The following SNX29 variants were observed in gnomAD, a reference collection of about 807,000 sequenced individuals.
SNX29 encodes sorting nexin-29.
SNX29 carries 78 observed loss-of-function variants against 102.1 expected under a neutral mutation model. The observed-to-expected ratio is 0.76, with a 90% confidence interval of 0.64 to 0.92. The LOEUF (loss-of-function observed/expected upper bound fraction) is 0.92. Ranked by LOEUF, SNX29 falls within the 40% of genes least tolerant of loss-of-function variation. The probability of loss-of-function intolerance (pLI) is 0.00; values close to 1 mark genes in which losing one functional copy is unlikely to be tolerated. For missense variants in SNX29, 1,280 were observed against 1,061.7 expected (o/e 1.21, Z -2.86); for synonymous variants, 580 against 414.5 (o/e 1.40, Z -4.85).
intron 19 of SNX29, among the ~76,000 whole-genome samples, chr16:12,479,738 C>T (rs1047756025): frequency 6.6e-6 from 1 of 152,122 alleles, no homozygotes; most frequent in Non-Finnish European, 1.5e-5. Context: ...TGCTAACCAG[C>T]GTATTATCAA....
At chr16:12,524,608 G>C (rs11075087) in intron 19 of SNX29, 94 bp from the exon 20 acceptor site, 336,324 of 1,434,876 alleles carry the variant, frequency 0.23, 43,296 homozygotes, top group East Asian at 0.57. Flanking sequence ...TTGGTTGCCT[G>C]GATGGCGCTG....
At chr16:12,346,387 C>A (rs1449069611) in intron 15 of SNX29, among the ~76,000 whole-genome samples, 1 of 152,138 alleles carries the variant, frequency 6.6e-6, no homozygotes, top group South Asian at 2.1e-4. Context: ...ATTATTTAAA[C>A]CTCACAAAAG....
chr16:12,054,067 A>G (rs988935174), intron 8 of SNX29, among the ~76,000 whole-genome samples: 1 of 151,050 alleles, frequency 6.6e-6, no homozygotes, highest in Non-Finnish European at 1.5e-5. Flanking sequence ...TCCCGGGTTC[A>G]TGCCATTCTC....
rs1368658481 is a variant in SNX29 at position 11,981,796 on chromosome 16, T to C, written c.7+4983T>C. On this transcript the variant is annotated intron_variant, in intron 1 of 20. Transcript: ENST00000566228. ...ACTAAGATGACCATTAATTGGGGAG[T>C]AGGTAAACCTAGTGTGCTGTGGACA... Among the ~76,000 whole-genome samples the C allele has an allele frequency of 3.9e-5, 6 of 152,078 alleles. No individual in the cohort carries two copies. The East Asian group carries it at 5.8e-4, about 15-fold the overall frequency.
Position 12,037,676 on chromosome 16 carries a change from G to C in SNX29, c.248-5221G>C, listed in dbSNP as rs551242111. The stretch of plus-strand genomic sequence containing the variant: ...ACTAGAAGAAAGGGAAAGGGACCAG[G>C]CTCAGTGGTTTACGCCTGTAATCCC... On this transcript the variant is annotated intron_variant, in intron 4 of 20. Coordinates refer to ENST00000566228, the MANE Select transcript of SNX29 (RefSeq NM_032167.5). Among the ~76,000 whole-genome samples the C allele has an allele frequency of 5.3e-5, 8 of 152,132 alleles. No homozygotes were observed. The South Asian group carries it at 1.7e-3, about 32-fold the overall frequency.
intron 15 of SNX29, among the ~76,000 whole-genome samples, chr16:12,319,300 G>A (rs1225395630): frequency 6.6e-6 from 1 of 152,140 alleles, no homozygotes; most frequent in Admixed American, 6.5e-5. Flanking sequence ...CCAGGAGTTC[G>A]AGACCAGCCC....
At chr16:12,065,111 C>G (rs982715743) in intron 9 of SNX29, among the ~76,000 whole-genome samples, 3 of 152,170 alleles carry the variant, frequency 2.0e-5, no homozygotes, top group Admixed American at 1.3e-4. Context: ...TCTCTTGAAT[C>G]TTGGAAGAGA....
intron 13 of SNX29, among the ~76,000 whole-genome samples, chr16:12,181,654 G>C (rs1028092352): frequency 6.6e-6 from 1 of 151,666 alleles, no homozygotes; most frequent in Non-Finnish European, 1.5e-5. Context: ...TGCGGGGAGG[G>C]GGCTGCCGGT....
intron 14 of SNX29, among the ~76,000 whole-genome samples, chr16:12,230,081 A>G (rs1412442148): frequency 6.6e-6 from 1 of 152,214 alleles, no homozygotes; most frequent in East Asian, 1.9e-4. Context: ...TATTTACAAA[A>G]CTTGCATCAG....
intron 16 of SNX29, among the ~76,000 whole-genome samples, chr16:12,358,302 CTTG>C (rs1004117827): frequency 2.0e-4 from 30 of 152,242 alleles, no homozygotes; most frequent in Middle Eastern, 6.8e-3. Flanking sequence ...TCCCGTAGCC[CTTG>C]TTGTAATGTT....
At chr16:12,221,370 T>G (rs2142114080) in intron 14 of SNX29, among the ~76,000 whole-genome samples, 1 of 152,288 alleles carries the variant, frequency 6.6e-6, no homozygotes, top group African/African-American at 2.4e-5. Context: ...ATCCCAGCAC[T>G]TCGGGAGGCC....
chr16:12,435,152 C>G (rs567145733), intron 18 of SNX29, among the ~76,000 whole-genome samples: 5 of 152,302 alleles, frequency 3.3e-5, no homozygotes, highest in African/African-American at 1.2e-4. Context: ...TGTGTGCACC[C>G]TGCTGCCCTC....
intron 20 of SNX29, among the ~76,000 whole-genome samples, chr16:12,565,923 C>T: frequency 6.6e-6 from 1 of 152,306 alleles, no homozygotes; most frequent in East Asian, 1.9e-4. Context: ...TCCACCACAG[C>T]CATCTGTCCA....
intron 15 of SNX29, among the ~76,000 whole-genome samples, chr16:12,309,603 G>T (rs1030227323): frequency 2.6e-5 from 4 of 152,180 alleles, no homozygotes; most frequent in Non-Finnish European, 5.9e-5. Context: ...GCCCAATGTG[G>T]CACCTGTCGT....
At chr16:12,323,337 C>T (rs1021837019) in intron 15 of SNX29, among the ~76,000 whole-genome samples, 11 of 152,100 alleles carry the variant, frequency 7.2e-5, no homozygotes, top group African/African-American at 2.7e-4. Context: ...GCTGTCTGCC[C>T]ACCACTACTG....
intron 13 of SNX29, among the ~76,000 whole-genome samples, chr16:12,178,529 C>T (rs1474138407): frequency 1.3e-5 from 2 of 152,204 alleles, no homozygotes; most frequent in Non-Finnish European, 2.9e-5. Context: ...GGCCAGATGT[C>T]CTGAATGTTC....
intron 13 of SNX29, among the ~76,000 whole-genome samples, chr16:12,191,995 C>A (rs1301761547): frequency 6.6e-6 from 1 of 152,128 alleles, no homozygotes; most frequent in Non-Finnish European, 1.5e-5. Context: ...AAGTATAATT[C>A]CCATAGGTGT....
intron 20 of SNX29, among the ~76,000 whole-genome samples, chr16:12,528,713 C>G (rs970280995): frequency 2.6e-5 from 4 of 152,222 alleles, no homozygotes; most frequent in African/African-American, 9.6e-5. Context: ...AGTCCTGGCT[C>G]TTCTCCACTG....
At chr16:12,359,891 T>C (rs1333687545) in intron 16 of SNX29, among the ~76,000 whole-genome samples, 1 of 152,246 alleles carries the variant, frequency 6.6e-6, no homozygotes, top group Non-Finnish European at 1.5e-5. Context: ...TGGTGCGATC[T>C]CAGCTCAATG....
Sources: gnomAD v4.1 joint callset for allele counts (sites outside exome capture counted in the v4.1 genomes callset) on GRCh38, gnomAD v4.1.1 for gene constraint, MANE v1.5 for transcripts, NCBI Gene and HGNC (gene_info 2026-07-23, HGNC 2026-07-21) for gene names.